The following SYTL5 variants were observed in gnomAD, a reference collection of about 807,000 sequenced individuals.
SYTL5 encodes synaptotagmin like 5.
SYTL5 carries 34 observed loss-of-function variants against 55.9 expected under a neutral mutation model. That is an observed-to-expected ratio of 0.61 (90% CI 0.46 to 0.81). The LOEUF (loss-of-function observed/expected upper bound fraction) is 0.81, where lower values mean the gene tolerates loss of function less well. Ranked by LOEUF, SYTL5 falls within the 30% of genes least tolerant of loss-of-function variation. The pLI is 0.00. For missense variants in SYTL5, 637 were observed against 546.7 expected, an observed-to-expected ratio of 1.17 and a Z score of -1.65; for synonymous variants, 221 against 188.7, an observed-to-expected ratio of 1.17 and a Z score of -1.40.
At chrX:38,027,537 A>G (rs1293463387) in intron 1 of SYTL5, among the ~76,000 whole-genome samples, 1 of 112,109 alleles carries the variant, frequency 8.9e-6, no homozygotes, top group Non-Finnish European at 1.9e-5. Flanking sequence ...GAATTTAATA[A>G]CAGAAGTACC....
At chrX:38,052,282 A>G (rs1038043355) in intron 2 of SYTL5, among the ~76,000 whole-genome samples, 1 of 112,181 alleles carries the variant, frequency 8.9e-6, no homozygotes, top group Non-Finnish European at 1.9e-5. Flanking sequence ...GCCTGTTGCA[A>G]CACATGAGTC....
At chrX:37,892,497 T>G in the SYTL5 span, among the ~76,000 whole-genome samples, 2 of 100,752 alleles carry the variant, frequency 2.0e-5, no homozygotes, top group Non-Finnish European at 4.0e-5. Flanking sequence ...CATATATATG[T>G]ATATAGTATA....
At chrX:37,906,635 C>G in the SYTL5 span, 1 of 112,355 alleles carries the variant, frequency 8.9e-6, no homozygotes, top group African/African-American at 3.2e-5. Context: ...GCATATCTAT[C>G]TCGTTATCAC....
At chrX:37,916,320 C>T in the SYTL5 span, among the ~76,000 whole-genome samples, 1 of 112,422 alleles carries the variant, frequency 8.9e-6, no homozygotes, top group African/African-American at 3.2e-5. Context: ...TAACCTTCCA[C>T]TAAAACACTT....
the SYTL5 span, among the ~76,000 whole-genome samples, chrX:37,941,913 AAC>A: frequency 3.6e-5 from 4 of 112,049 alleles, no homozygotes; most frequent in East Asian, 1.1e-3. Context: ...GGGAAAAAAA[AAC>A]TTTTCATTTA....
chrX:37,961,395 CTT>C, the SYTL5 span, among the ~76,000 whole-genome samples: 2,630 of 100,671 alleles, frequency 0.026, 35 homozygotes, highest in Admixed American at 0.05. Flanking sequence ...CTCTCTTCCT[CTT>C]TTTTTTTTTT....
intron 9 of SYTL5, among the ~76,000 whole-genome samples, chrX:38,098,992 G>C (rs1937012157): frequency 9.0e-6 from 1 of 110,817 alleles, no homozygotes; most frequent in Admixed American, 9.6e-5. Context: ...ATGGTTGCCA[G>C]GGAGTGAAGA....
intron 3 of SYTL5, among the ~76,000 whole-genome samples, chrX:38,070,072 A>C (rs1285524980): frequency 1.8e-5 from 2 of 111,656 alleles, no homozygotes; most frequent in African/African-American, 3.2e-5. Context: ...CTTACCTTTC[A>C]ATGAATACTT....
chrX:38,003,186 G>A (rs1213244758), upstream of SYTL5, among the ~76,000 whole-genome samples: 5 of 111,177 alleles, frequency 4.5e-5, no homozygotes, highest in Non-Finnish European at 7.5e-5. Flanking sequence ...GTAGATATGC[G>A]GTATTATTTC....
At chrX:38,003,896 A>G (rs1485656535), upstream of SYTL5, among the ~76,000 whole-genome samples, 3 of 111,832 alleles carry the variant, frequency 2.7e-5, no homozygotes, top group African/African-American at 9.8e-5. Context: ...CTGGAGTAAG[A>G]TGACATCTCA....
chrX:37,991,344 C>A, the SYTL5 span: 1 of 984,932 alleles, frequency 1.0e-6, no homozygotes, highest in Non-Finnish European at 1.4e-6. Flanking sequence ...CAGTTTCTGT[C>A]GCTTTGGGTT....
the SYTL5 span, among the ~76,000 whole-genome samples, chrX:37,922,070 A>C: frequency 8.9e-6 from 1 of 112,205 alleles, no homozygotes; most frequent in South Asian, 3.7e-4. Flanking sequence ...TAGCTGAGAC[A>C]TCCACTTTGA....
chrX:38,118,988 T>C (rs1460145384), intron 13 of SYTL5, among the ~76,000 whole-genome samples: 10 of 105,034 alleles, frequency 9.5e-5, no homozygotes, highest in Non-Finnish European at 1.7e-4. Flanking sequence ...CATATACATA[T>C]ATATGTTGAG....
the SYTL5 span, among the ~76,000 whole-genome samples, chrX:37,958,953 G>A: frequency 4.5e-5 from 5 of 112,261 alleles, no homozygotes; most frequent in Non-Finnish European, 9.4e-5. Flanking sequence ...GGCGTGGGAG[G>A]GGGGGTTGGA....
Position 38,106,195 on chromosome X carries a change from T to C in SYTL5, c.1156-398T>C, listed in dbSNP as rs781086785. The stretch of plus-strand genomic sequence containing the variant: ...ATAAGCTACCCTTTGTCCCAATCAA[T>C]GTATTCTACACCTTATAGTAGATTG... On this transcript the variant is annotated intron_variant, in intron 10 of 16. Transcript: ENST00000297875. 8.9e-5 allele frequency among the ~76,000 whole-genome samples: 10 copies of C among 112,377 alleles called. No individual in the cohort carries two copies. The South Asian group carries it at 1.1e-3, about 13-fold the overall frequency.
chrX:38,085,912 A>G (rs1301749085), intron 6 of SYTL5, among the ~76,000 whole-genome samples: 1 of 111,045 alleles, frequency 9.0e-6, no homozygotes, highest in African/African-American at 3.3e-5. Context: ...TTGGAGCAAC[A>G]TGGTGCTGTG....
chrX:37,943,847 A>G, the SYTL5 span, among the ~76,000 whole-genome samples: 1 of 111,084 alleles, frequency 9.0e-6, no homozygotes, highest in Non-Finnish European at 1.9e-5. Context: ...GTGTCTTTCA[A>G]GCTGAAGCAT....
chrX:38,101,999 T>A (rs1937098961), intron 9 of SYTL5, among the ~76,000 whole-genome samples: 2 of 109,570 alleles, frequency 1.8e-5, no homozygotes, highest in South Asian at 7.8e-4. Flanking sequence ...ACACACAAAT[T>A]TTTTTTAATT....
At chrX:38,083,739 A>G (rs781676053) in intron 6 of SYTL5, among the ~76,000 whole-genome samples, 34 of 106,817 alleles carry the variant, frequency 3.2e-4, no homozygotes, top group Non-Finnish European at 5.5e-4. Flanking sequence ...TGGGTGTATT[A>G]GCTTCTCCAA....
Sources: gnomAD v4.1 joint callset for allele counts (sites outside exome capture counted in the v4.1 genomes callset) on GRCh38, gnomAD v4.1.1 for gene constraint, MANE v1.5 for transcripts, NCBI Gene and HGNC (gene_info 2026-07-23, HGNC 2026-07-21) for gene names.